The following LMAN1 variants were observed in gnomAD, a reference collection of about 807,000 sequenced individuals.
LMAN1 encodes the protein protein ERGIC-53.
Under a neutral mutation model 67.8 loss-of-function variants are expected in LMAN1, and 32 were observed. The observed-to-expected ratio is 0.47, with a 90% confidence interval of 0.36 to 0.63. The LOEUF is 0.63. Ranked by LOEUF, LMAN1 falls within the 30% of genes least tolerant of loss-of-function variation. The pLI, the probability that LMAN1 is intolerant of heterozygous loss-of-function variation, is 0.00. For synonymous variants in LMAN1, 235 were observed against 219.3 expected (o/e 1.07, Z -0.63); for missense variants, 632 against 628.2 (o/e 1.01, Z -0.06).
intron 5 of LMAN1, among the ~76,000 whole-genome samples, chr18:59,352,230 A>G (rs1321437287): frequency 6.6e-6 from 1 of 152,140 alleles, no homozygotes; most frequent in Non-Finnish European, 1.5e-5. Flanking sequence ...TCCCCCAAAC[A>G]GATAAAACAC....
chr18:59,346,267 C>A (rs1180701059), intron 7 of LMAN1, among the ~76,000 whole-genome samples: 1 of 124,230 alleles, frequency 8.0e-6, no homozygotes, highest in African/African-American at 3.1e-5. Context: ...GTCACCCAGG[C>A]TGGAGTGCAG....
chr18:59,346,684 C>G (rs942571201), intron 7 of LMAN1, among the ~76,000 whole-genome samples: 3 of 151,210 alleles, frequency 2.0e-5, no homozygotes, highest in African/African-American at 7.3e-5. Context: ...CCACACCCAG[C>G]TATTTTTTGT....
chr18:59,359,258 ACG>A lies in LMAN1; in HGVS notation c.-16_-15del. On this transcript the variant is annotated 5_prime_UTR_variant, in exon 1 of 13. Transcript: ENST00000251047. ...GGATCCCGCCATCTTGGATTCTGGAACGCGGAGGAGGGCGGGAGAGGGAGGGG... is the reference window on the plus strand; with the variant it reads ...GGATCCCGCCATCTTGGATTCTGGAACGGAGGAGGGCGGGAGAGGGAGGGG... The A allele has an allele frequency of 6.2e-7, 1 of 1,612,988 alleles. No individual in the cohort carries two copies. Among genetic ancestry groups the A allele is most frequent in the Non-Finnish European group, 8.5e-7 (1 of 1,179,218 alleles).
In LMAN1 at chr18:59,331,458, C is replaced by T. The variant is rs1362340119; in HGVS notation, c.1456G>A (p.Val486Met). 1.2e-6 allele frequency: 2 copies of T among 1,610,526 alleles called. No individual in the cohort carries two copies. The highest frequency in any genetic ancestry group is 1.7e-6 in the Non-Finnish European group (2 of 1,177,158). ...LSTVHFIIFVVVQTVLFIGYI... is the reference protein window; with the variant it reads ...LSTVHFIIFVMVQTVLFIGYI... ...CCAATGAATAATACAGTTTGCACCA[C>T]AACAAATATAATGAAGTGGACCGTA... is the stretch of plus-strand genomic sequence containing the variant. The change falls in exon 12 of 13, where the codon GTG (valine) becomes ATG (methionine). Residue 486 changes from valine to methionine, a missense_variant. Transcript: ENST00000251047.
chr18:59,344,268 G>T lies in LMAN1; in HGVS notation c.955+1651C>A, dbSNP rs189537871. On this transcript the variant is annotated intron_variant, in intron 8 of 12. Coordinates refer to ENST00000251047, the MANE Select transcript of LMAN1 (RefSeq NM_005570.4). Reference sequence around the variant, plus strand: ...AGAACTAAAATTAGAATTACCGTTTGATCCAGCAATCCCACTACTGGGTGT... The same window carrying T: ...AGAACTAAAATTAGAATTACCGTTTTATCCAGCAATCCCACTACTGGGTGT... 5.3e-4 allele frequency among the ~76,000 whole-genome samples: 81 copies of T among 152,250 alleles called. No individual in the cohort carries two copies. In the East Asian group the frequency reaches 6.2e-3, roughly 12 times the overall value.
rs1568117904 is a variant in LMAN1 at position 59,353,210 on chromosome 18, T to C, written c.631A>G (p.Thr211Ala). ...VRAKITYYQN[T>A]LTVMINNGFT... The stretch of plus-strand genomic sequence containing the variant: ...AAATAGATGTTACTTACTGTCAGTG[T>C]GTTCTGGTAATAGGTAATCTTTGCT... The change falls in exon 5 of 13, where the codon ACA becomes GCA. Residue 211 changes from threonine (T) to alanine (A), a missense_variant. Physicochemically the swap from Thr to Ala is moderately conservative, Grantham distance 58. Transcript: ENST00000251047. 1.2e-6 allele frequency: 2 copies of C among 1,611,736 alleles called. No individual in the cohort carries two copies. Among genetic ancestry groups the C allele is most frequent in the Non-Finnish European group, 1.7e-6 (2 of 1,177,794 alleles).
At chr18:59,338,420 C>T (rs1342379595) in intron 10 of LMAN1, 137 bp downstream of exon 10, 2 of 721,588 alleles carry the variant, frequency 2.8e-6, no homozygotes, top group African/African-American at 3.5e-5. Context: ...TTATGGTCCC[C>T]TATTTGTAAA....
chr18:59,354,455 T>C, intron 4 of LMAN1, 64 bp downstream of exon 4: 4 of 887,374 alleles, frequency 4.5e-6, no homozygotes, highest in African/African-American at 1.6e-5. Context: ...TTTGAAACAA[T>C]GTATTTCATA....
intron 8 of LMAN1, among the ~76,000 whole-genome samples, chr18:59,341,413 G>A (rs1264869218): frequency 1.3e-5 from 2 of 152,038 alleles, no homozygotes; most frequent in East Asian, 3.9e-4. Context: ...CTTTTCACCA[G>A]CACATAGAAG....
intron 5 of LMAN1, among the ~76,000 whole-genome samples, chr18:59,352,526 C>T (rs1486292366): frequency 6.6e-6 from 1 of 152,216 alleles, no homozygotes; most frequent in Non-Finnish European, 1.5e-5. Context: ...CTGATCTCTT[C>T]TATCTCCCAG....
At position 59,358,925 on chromosome 18, in the gene LMAN1, C is replaced by T. The variant is rs1406200517; in HGVS notation, c.214+106G>A. The T allele has an allele frequency of 4.3e-6, 5 of 1,150,598 alleles. No individual in the cohort carries two copies. In the Admixed American group the frequency reaches 7.3e-5, roughly 17 times the overall value. 71.3% of individuals were successfully genotyped at this position (1,150,598 alleles called of 1,614,324 possible). On this transcript the variant is annotated intron_variant, in intron 1 of 12. Coordinates refer to ENST00000251047, the MANE Select transcript of LMAN1 (RefSeq NM_005570.4). ...CCTCCACAGCGCATATGGTGTGCAG[C>T]TGCTGGAACGGGAACCTCAGCACAC...
chr18:59,347,496 AAT>A lies in LMAN1; in HGVS notation c.822+15_822+16del. On this transcript the variant is annotated intron_variant, in intron 7 of 12. Transcript: ENST00000251047. ...AAACTAAACTGATAAAGTTTTTGAA[AAT>A]ATGTGTAAAATTACCGGCTCTTTTC... 1.9e-6 allele frequency: 3 copies of A among 1,596,334 alleles called. No homozygotes were observed. Among genetic ancestry groups the A allele is most frequent in the Non-Finnish European group, 2.6e-6 (3 of 1,166,344 alleles).
chr18:59,332,769 C>T (rs543354736), intron 11 of LMAN1, among the ~76,000 whole-genome samples: 15 of 152,048 alleles, frequency 9.9e-5, no homozygotes, highest in Admixed American at 5.2e-4. Context: ...AGAACCTTGA[C>T]GGAAAAATAG....
chr18:59,352,626 C>T (rs1034787848), intron 5 of LMAN1: 46 of 162,036 alleles, frequency 2.8e-4, no homozygotes, highest in African/African-American at 8.4e-4. Context: ...CCCACTCACT[C>T]GCACACACAC....
rs767155286 is a variant in LMAN1, at chr18:59,329,462, T to C, written c.*1631A>G. 14 of 152,100 alleles carry C rather than the reference T, an allele frequency of 9.2e-5. No homozygotes were observed. The highest frequency in any genetic ancestry group is 1.9e-4 in the Non-Finnish European group (13 of 68,006). The allele number at this position is 152,100 out of a possible 1,614,324, so 9.4% of individuals were successfully genotyped here. A position where few individuals can be genotyped will look rare whatever the true frequency, so the allele number is the denominator to read the frequency against. ...TTAATTTTTTTTCATGGAGCAAGAG[T>C]AAATTCTGTGATGATGAAGCCTCTG... On this transcript the variant is annotated 3_prime_UTR_variant, in exon 13 of 13. Coordinates refer to ENST00000251047, the MANE Select transcript of LMAN1 (RefSeq NM_005570.4).
At chr18:59,346,635 C>T (rs1908415271) in intron 7 of LMAN1, among the ~76,000 whole-genome samples, 1 of 151,936 alleles carries the variant, frequency 6.6e-6, no homozygotes, top group South Asian at 2.1e-4. Context: ...ATTCTCCAGC[C>T]TCAGCCTCCT....
intron 1 of LMAN1, among the ~76,000 whole-genome samples, chr18:59,358,429 A>T: frequency 6.6e-6 from 1 of 152,232 alleles, no homozygotes. Flanking sequence ...GAAAATGTGT[A>T]GTTCCAACAG....
At chr18:59,355,244 T>C in intron 3 of LMAN1, 69 bp downstream of exon 3, 1 of 1,167,712 alleles carries the variant, frequency 8.6e-7, no homozygotes, top group Non-Finnish European at 1.3e-6. Flanking sequence ...GAATAAGCTA[T>C]TATTTCTCAC....
At chr18:59,335,968 C>A (rs1011730497) in intron 10 of LMAN1, among the ~76,000 whole-genome samples, 1 of 152,082 alleles carries the variant, frequency 6.6e-6, no homozygotes, top group African/African-American at 2.4e-5. Context: ...ATAATAAGAA[C>A]CAGGTTTTTC....
Sources: gnomAD v4.1 joint callset for allele counts (sites outside exome capture counted in the v4.1 genomes callset) on GRCh38, gnomAD v4.1.1 for gene constraint, MANE v1.5 for transcripts, NCBI Gene and HGNC (gene_info 2026-07-23, HGNC 2026-07-21) for gene names.